Variants in EVC2 observed in about 807,000 individuals in gnomAD.
The protein encoded by EVC2 is EvC ciliary complex subunit 2, also known as limbin.
In EVC2, 148 loss-of-function variants were observed where a neutral mutation model predicts 149.3. The observed-to-expected ratio is 0.99, with a 90% CI of 0.87 to 1.14. The LOEUF is 1.14. Ranked by LOEUF, EVC2 falls within the 50% of genes most tolerant of loss-of-function variation. The pLI is 0.00. For missense variants in EVC2, 1,854 were observed against 1,627.3 expected (o/e 1.14, Z -2.40); for synonymous variants, 776 against 649.9 (o/e 1.19, Z -2.95).
intron 16 of EVC2, among the ~76,000 whole-genome samples, chr4:5,610,746 GCGTGTTCTTCTTGGT>G (rs1714749652): frequency 6.6e-6 from 1 of 151,410 alleles, no homozygotes; most frequent in Admixed American, 6.6e-5. Flanking sequence ...TACTCTTGCA[GCGTGTTCTTCTTGGT>G]CAGTGTCTTA....
At chr4:5,573,861 C>A (rs1471863687) in intron 19 of EVC2, among the ~76,000 whole-genome samples, 1 of 152,154 alleles carries the variant, frequency 6.6e-6, no homozygotes, top group Non-Finnish European at 1.5e-5. Flanking sequence ...GCAAGGCCCA[C>A]GGGTCAGCTC....
In EVC2 at chr4:5,693,145, A is replaced by G. The variant is rs565643244; in HGVS notation, c.450+1190T>C. Among the ~76,000 whole-genome samples the G allele has an allele frequency of 3.1e-4, 47 of 152,316 alleles. 1 individual carries two copies. In the South Asian group the frequency reaches 9.3e-3, roughly 30 times the overall value. ...TACAGCTTGTGGAGCAAATAAATGC[A>G]GAAGGGACGACTGAGTATGGAGGGT... On this transcript the variant is annotated intron_variant, in intron 3 of 21. Transcript: ENST00000344408.
At chr4:5,549,490 T>G (rs1360049906) in intron 21 of EVC2, among the ~76,000 whole-genome samples, 1 of 152,228 alleles carries the variant, frequency 6.6e-6, no homozygotes, top group Non-Finnish European at 1.5e-5. Flanking sequence ...TCATAGTGAT[T>G]TAAAGCATTT....
chr4:5,564,849 C>T (rs951870506), intron 21 of EVC2, among the ~76,000 whole-genome samples: 3 of 152,194 alleles, frequency 2.0e-5, no homozygotes, highest in Non-Finnish European at 2.9e-5. Context: ...AATCTCATGA[C>T]CACTGTTTAC....
intron 7 of EVC2, among the ~76,000 whole-genome samples, chr4:5,673,057 A>G (rs1005954838): frequency 1.3e-5 from 2 of 152,234 alleles, no homozygotes; most frequent in Non-Finnish European, 2.9e-5. Flanking sequence ...ATGTTCTGTA[A>G]GCAGACAGTG....
intron 21 of EVC2, among the ~76,000 whole-genome samples, chr4:5,563,988 G>A (rs1722113095): frequency 6.6e-6 from 1 of 151,570 alleles, no homozygotes; most frequent in African/African-American, 2.4e-5. Context: ...TAATGATCGT[G>A]ACGACCACCA....
chr4:5,688,750 C>A (rs73200124), intron 5 of EVC2, among the ~76,000 whole-genome samples: 3,810 of 152,288 alleles, frequency 0.025, 60 homozygotes, highest in Non-Finnish European at 0.039. Flanking sequence ...CACTCCCACT[C>A]TGTCCGGCAC....
chr4:5,565,861 G>A (rs1177872764), intron 20 of EVC2, among the ~76,000 whole-genome samples: 3 of 152,092 alleles, frequency 2.0e-5, no homozygotes, highest in East Asian at 3.9e-4. Flanking sequence ...GCCCTCAAGG[G>A]GCCAAGTCTA....
chr4:5,574,826 T>C (rs910534488), intron 18 of EVC2, 54 bp from the exon 19 acceptor site: 2 of 1,503,022 alleles, frequency 1.3e-6, no homozygotes, highest in Non-Finnish European at 1.9e-6. Flanking sequence ...AGTGATACTA[T>C]GAGATCATCT....
chr4:5,596,870 T>C (rs1713470456), intron 16 of EVC2, among the ~76,000 whole-genome samples: 1 of 152,074 alleles, frequency 6.6e-6, no homozygotes, highest in Non-Finnish European at 1.5e-5. Context: ...CAATAAAAAA[T>C]GATAAAGGGG....
At chr4:5,609,231 A>G (rs1160809577) in intron 16 of EVC2, among the ~76,000 whole-genome samples, 1 of 152,104 alleles carries the variant, frequency 6.6e-6, no homozygotes, top group Admixed American at 6.5e-5. Context: ...CTATGTATCT[A>G]TCTGCTATGG....
At chr4:5,673,643 T>G (rs191323747) in intron 7 of EVC2, among the ~76,000 whole-genome samples, 19 of 152,306 alleles carry the variant, frequency 1.2e-4, no homozygotes, top group Non-Finnish European at 2.2e-4. Flanking sequence ...AATCACATAT[T>G]AGCAGGAGCA....
chr4:5,663,192 C>G lies in EVC2; in HGVS notation c.1060G>C (p.Val354Leu). 1 of 1,614,156 alleles carries G rather than the reference C, an allele frequency of 6.2e-7. No homozygotes were observed. Among genetic ancestry groups the G allele is most frequent in the Non-Finnish European group, 8.5e-7 (1 of 1,180,018 alleles). ...TCGTTAAGGGAAAGGTCCTCATTCA[C>G]GCCATCAGCTGAGGTGAACGGCAAG... is the stretch of plus-strand genomic sequence containing the variant. ...EPLPFTSADGVNEDLSLNDQM... is the reference protein window; with the variant it reads ...EPLPFTSADGLNEDLSLNDQM... Residue 354 changes from valine (V) to leucine (L), a missense_variant, in exon 9 of 22, where the codon GTG becomes CTG. Coordinates refer to ENST00000344408, the MANE Select transcript of EVC2 (RefSeq NM_147127.5).
chr4:5,693,318 G>A (rs1721255317), intron 3 of EVC2, among the ~76,000 whole-genome samples: 1 of 152,190 alleles, frequency 6.6e-6, no homozygotes, highest in African/African-American at 2.4e-5. Context: ...TGGAAAAGAG[G>A]TCTCTGAAGA....
At chr4:5,550,792 C>A (rs771107784) in intron 21 of EVC2, among the ~76,000 whole-genome samples, 26 of 152,326 alleles carry the variant, frequency 1.7e-4, no homozygotes, top group Admixed American at 6.5e-4. Flanking sequence ...GTTTTGTGGG[C>A]CTGGCCCACG....
chr4:5,656,149 C>CA (rs1718506246), intron 9 of EVC2, among the ~76,000 whole-genome samples: 1 of 152,172 alleles, frequency 6.6e-6, no homozygotes, highest in Admixed American at 6.5e-5. Flanking sequence ...CAGGAAGCAC[C>CA]AGAGGATGTC....
chr4:5,678,848 T>C (rs1720158177), intron 7 of EVC2, among the ~76,000 whole-genome samples: 1 of 152,072 alleles, frequency 6.6e-6, no homozygotes, highest in Admixed American at 6.5e-5. Flanking sequence ...CTGGCCAATG[T>C]GGTAAAACCC....
At chr4:5,682,532 A>T (rs568688008) in intron 6 of EVC2, among the ~76,000 whole-genome samples, 54 of 151,024 alleles carry the variant, frequency 3.6e-4, no homozygotes, top group African/African-American at 1.2e-3. Flanking sequence ...TTTTAAAAGC[A>T]ATAGCAATAG....
intron 7 of EVC2, among the ~76,000 whole-genome samples, chr4:5,674,499 C>G (rs1255303104): frequency 6.6e-6 from 1 of 152,162 alleles, no homozygotes; most frequent in African/African-American, 2.4e-5. Context: ...GGAATACTCT[C>G]AACTTCACAC....
Sources: gnomAD v4.1 joint callset for allele counts (sites outside exome capture counted in the v4.1 genomes callset) on GRCh38, gnomAD v4.1.1 for gene constraint, MANE v1.5 for transcripts, NCBI Gene and HGNC (gene_info 2026-07-23, HGNC 2026-07-21) for gene names.